RNF121: variants seen among roughly 807,000 people sequenced by gnomAD.
RNF121 encodes the protein E3 ubiquitin ligase RNF121.
In RNF121, 21 loss-of-function variants were observed where a neutral mutation model predicts 46.5. The observed-to-expected ratio is 0.45, with a 90% CI of 0.32 to 0.65. The LOEUF is 0.65. RNF121 is among the 30% of genes least tolerant of loss of function. RNF121 has a pLI of 0.04. For synonymous variants in RNF121, 139 were observed against 144.7 expected (o/e 0.96, Z 0.28); for missense variants, 346 against 416.0 (o/e 0.83, Z 1.46).
chr11:71,936,009 G>A lies in RNF121; in HGVS notation c.63+6885G>A, dbSNP rs1184952966. Among the ~76,000 whole-genome samples the A allele has an allele frequency of 5.9e-5, 9 of 151,644 alleles. No individual in the cohort carries two copies. In the East Asian group the frequency reaches 7.8e-4, roughly 13 times the overall value. On this transcript the variant is annotated intron_variant, in intron 1 of 8. Coordinates refer to ENST00000361756, the MANE Select transcript of RNF121 (RefSeq NM_018320.5). ...ACTACAGGTGTGTGCCACCACGCCC[G>A]GCTACTTTTTTGTATTTTTAGTAGA...
chr11:71,994,161 C>G (rs1192627641), intron 6 of RNF121, among the ~76,000 whole-genome samples: 1 of 152,068 alleles, frequency 6.6e-6, no homozygotes, highest in Non-Finnish European at 1.5e-5. Flanking sequence ...CTTTAAATTC[C>G]TTGAAGTGAA....
Position 71,996,287 on chromosome 11 carries a change from G to A in RNF121, c.956G>A (p.Gly319Asp). 6.2e-7 allele frequency: 1 copy of A among 1,614,170 alleles called. No individual in the cohort carries two copies. Among genetic ancestry groups the A allele is most frequent in the Non-Finnish European group, 8.5e-7 (1 of 1,180,026 alleles). Residue 319 changes from glycine (G) to aspartate (D), a missense_variant, in exon 9 of 9, where the codon GGC (glycine) becomes GAC (aspartate). Gly to Asp is a moderately conservative substitution (Grantham distance 94, BLOSUM62 -1). Around this residue, in one of 2 missense-constraint regions of RNF121, gnomAD observed 286 missense variants for 383.8 expected, o/e 0.75. Coordinates refer to ENST00000361756, the MANE Select transcript of RNF121 (RefSeq NM_018320.5). Reference sequence around the variant, plus strand: ...CCTGTCATCATTGGTGTAGTCCAAGGCATCAACTACATCCTGGGCCTGGAA... The same window carrying A: ...CCTGTCATCATTGGTGTAGTCCAAGACATCAACTACATCCTGGGCCTGGAA... ...WQPVIIGVVQ[G>D]INYILGLE
intron 3 of RNF121, among the ~76,000 whole-genome samples, chr11:71,965,991 A>G (rs1190181296): frequency 6.6e-6 from 1 of 152,154 alleles, no homozygotes; most frequent in African/African-American, 2.4e-5. Context: ...TCTTTCAATT[A>G]TTTGTTCATA....
intron 2 of RNF121, among the ~76,000 whole-genome samples, chr11:71,958,965 C>T (rs1299617509): frequency 6.6e-6 from 1 of 152,198 alleles, no homozygotes; most frequent in African/African-American, 2.4e-5. Flanking sequence ...ATCTTTATAA[C>T]TCCTCATAGC....
intron 5 of RNF121, among the ~76,000 whole-genome samples, chr11:71,989,668 G>A (rs1265773196): frequency 1.3e-5 from 2 of 152,120 alleles, no homozygotes; most frequent in Admixed American, 1.3e-4. Flanking sequence ...ACTCAAGGTT[G>A]CAAATTATCG....
chr11:71,930,804 G>A (rs140786053), intron 1 of RNF121, among the ~76,000 whole-genome samples: 1 of 152,196 alleles, frequency 6.6e-6, no homozygotes, highest in Non-Finnish European at 1.5e-5. Context: ...GAGATAAACA[G>A]CAGAAGTTTT....
chr11:71,987,208 C>T (rs534389502), intron 5 of RNF121, 97 bp downstream of exon 5: 9 of 799,980 alleles, frequency 1.1e-5, no homozygotes, highest in Middle Eastern at 2.3e-4. Flanking sequence ...ACAGGAGGGA[C>T]GTAATATCCA....
intron 8 of RNF121, among the ~76,000 whole-genome samples, chr11:71,995,858 C>T (rs1954964241): frequency 6.6e-6 from 1 of 152,226 alleles, no homozygotes; most frequent in African/African-American, 2.4e-5. Context: ...AGGAGGCCCT[C>T]CCTGCATGTT....
chr11:71,985,289 A>G (rs1012035955), intron 4 of RNF121, among the ~76,000 whole-genome samples: 2 of 152,158 alleles, frequency 1.3e-5, no homozygotes, highest in African/African-American at 4.8e-5. Context: ...TGTATTATAT[A>G]CCAGGAAATG....
chr11:71,968,307 G>T (rs1954334833), intron 3 of RNF121, among the ~76,000 whole-genome samples: 2 of 152,126 alleles, frequency 1.3e-5, no homozygotes, highest in Admixed American at 1.3e-4. Flanking sequence ...TGATCAAACT[G>T]CCTCGGCCTC....
chr11:71,976,425 G>A (rs571908076), intron 3 of RNF121, among the ~76,000 whole-genome samples: 37 of 144,602 alleles, frequency 2.6e-4, no homozygotes, highest in African/African-American at 9.7e-4. Context: ...GCACAATCTC[G>A]GCTCACGGCA....
At chr11:71,969,333 T>C (rs1306730943) in intron 3 of RNF121, among the ~76,000 whole-genome samples, 1 of 152,120 alleles carries the variant, frequency 6.6e-6, no homozygotes, top group Non-Finnish European at 1.5e-5. Context: ...GACATACTTA[T>C]AAAAAGACAA....
At chr11:71,948,513 C>CAAAAA (rs55762433) in intron 1 of RNF121, among the ~76,000 whole-genome samples, 1 of 35,370 alleles carries the variant, frequency 2.8e-5, no homozygotes, top group Non-Finnish European at 5.0e-5. Flanking sequence ...AAACTGTCTC[C>CAAAAA]AAAAAAAAAA....
intron 1 of RNF121, among the ~76,000 whole-genome samples, chr11:71,939,992 A>G (rs920712962): frequency 3.3e-5 from 5 of 152,228 alleles, no homozygotes; most frequent in Admixed American, 2.0e-4. Context: ...GCTTAAGTCT[A>G]TTTGGGAGCA....
At chr11:71,974,805 T>C (rs77045688) in intron 3 of RNF121, among the ~76,000 whole-genome samples, 4,962 of 152,214 alleles carry the variant, frequency 0.033, 87 homozygotes, top group East Asian at 0.089. Flanking sequence ...TCTCCAGATT[T>C]CCCCACAAAC....
intron 1 of RNF121, among the ~76,000 whole-genome samples, chr11:71,933,842 T>G (rs931669285): frequency 5.3e-5 from 8 of 152,236 alleles, no homozygotes; most frequent in Non-Finnish European, 8.8e-5. Context: ...TTTTGATTAA[T>G]AGTATGATAG....
intron 6 of RNF121, 23 bp downstream of exon 6, chr11:71,990,740 A>T: frequency 6.2e-7 from 1 of 1,612,378 alleles, no homozygotes; most frequent in East Asian, 2.2e-5. Flanking sequence ...GGGTTCTTAA[A>T]TACTGCTTCT....
chr11:71,952,512 A>G (rs1355320493), intron 1 of RNF121, among the ~76,000 whole-genome samples: 3 of 152,224 alleles, frequency 2.0e-5, no homozygotes, highest in Non-Finnish European at 4.4e-5. Flanking sequence ...CTGATGTTAT[A>G]ATTTATAAAT....
At chr11:71,929,492 C>T (rs943912080) in intron 1 of RNF121, among the ~76,000 whole-genome samples, 1 of 151,960 alleles carries the variant, frequency 6.6e-6, no homozygotes, top group Non-Finnish European at 1.5e-5. Flanking sequence ...TGGGCTTCTA[C>T]TGTGGGAGAG....
Sources: gnomAD v4.1 joint callset for allele counts (sites outside exome capture counted in the v4.1 genomes callset) on GRCh38, gnomAD v4.1.1 for gene constraint, gnomAD v4.1.1 regional missense constraint, MANE v1.5 for transcripts, NCBI Gene and HGNC (gene_info 2026-07-23, HGNC 2026-07-21) for gene names.